Variants in MEGF6 observed in about 807,000 individuals in gnomAD.
The protein encoded by MEGF6 is multiple EGF like domains 6.
A neutral mutation model predicts 207.1 loss-of-function variants in MEGF6; 184 were observed. That is an observed-to-expected ratio of 0.89 (90% CI 0.79 to 1.00). MEGF6 has a LOEUF of 1.00. MEGF6 is among the 50% of genes least tolerant of loss of function. MEGF6 has a pLI of 0.00. For synonymous variants in MEGF6, 1,038 were observed against 910.0 expected, an observed-to-expected ratio of 1.14 and a Z score of -2.53; for missense variants, 2,282 against 2,202.9, an observed-to-expected ratio of 1.04 and a Z score of -0.72.
At chr1:3,583,033 G>A (rs936807826) in intron 3 of MEGF6, among the ~76,000 whole-genome samples, 7 of 152,306 alleles carry the variant, frequency 4.6e-5, no homozygotes, top group South Asian at 2.1e-4. Flanking sequence ...ACAAACCACC[G>A]CATGGCCAGG....
Position 3,587,926 on chromosome 1 carries a change from C to A in MEGF6, c.376+7412G>T, listed in dbSNP as rs1423534470. On this transcript the variant is annotated intron_variant, in intron 3 of 36. Transcript: ENST00000356575. ...AGTGGCCAGGAGGGGGCAGGAGAGG[C>A]CAGGAGGGGGCAGGAGGGGGCAGGA... 6.9e-3 allele frequency among the ~76,000 whole-genome samples: 138 copies of A among 19,858 alleles called. 7 individuals are homozygous for A. The East Asian group carries it at 0.17, about 24-fold the overall frequency. 13.0% of individuals were successfully genotyped at this position (19,858 alleles called of 152,430 possible).
chr1:3,527,934 T>C (rs1024469597), intron 4 of MEGF6, among the ~76,000 whole-genome samples: 2 of 152,150 alleles, frequency 1.3e-5, no homozygotes, highest in African/African-American at 2.4e-5. Flanking sequence ...CCTCTGAAAA[T>C]GCACAGGCCC....
chr1:3,564,662 C>T (rs1304716136), intron 4 of MEGF6, among the ~76,000 whole-genome samples: 1 of 152,162 alleles, frequency 6.6e-6, no homozygotes, highest in Non-Finnish European at 1.5e-5. Context: ...CCTCGACCTC[C>T]AATGTCCAGA....
At chr1:3,516,106 C>G (rs958614471) in intron 5 of MEGF6, among the ~76,000 whole-genome samples, 1 of 152,250 alleles carries the variant, frequency 6.6e-6, no homozygotes, top group Non-Finnish European at 1.5e-5. Context: ...CCACACCTCA[C>G]GCCTGTCCCC....
At chr1:3,502,239 G>C (rs1569968614) in intron 17 of MEGF6, among the ~76,000 whole-genome samples, 1 of 152,174 alleles carries the variant, frequency 6.6e-6, no homozygotes, top group African/African-American at 2.4e-5. Context: ...GGGAGGGGCA[G>C]GGCTGCTGGG....
intron 34 of MEGF6, 104 bp from the exon 35 acceptor site, chr1:3,492,871 A>C: frequency 6.8e-7 from 1 of 1,477,116 alleles, no homozygotes; most frequent in South Asian, 1.3e-5. Flanking sequence ...AGGTGGAGTG[A>C]AGCCTTCTGC....
intron 3 of MEGF6, among the ~76,000 whole-genome samples, chr1:3,590,901 G>T (rs760506911): frequency 6.8e-6 from 1 of 147,438 alleles, no homozygotes; most frequent in Non-Finnish European, 1.5e-5. Context: ...CACAGGGGCC[G>T]TGCACCCCAC....
rs767124306 is a variant in MEGF6, at chr1:3,494,119, G to A, written c.4135C>T (p.Pro1379Ser). The A allele has an allele frequency of 6.4e-7, 1 of 1,567,646 alleles. No individual in the cohort carries two copies. Among genetic ancestry groups the A allele is most frequent in the Admixed American group, 1.8e-5 (1 of 55,220 alleles). The change falls in exon 33 of 37, where the codon CCC (proline) becomes TCC (serine). Residue 1379 changes from proline to serine, a missense_variant. Pro to Ser is a moderately conservative substitution (Grantham distance 74, BLOSUM62 -1). Transcript: ENST00000356575. Reference sequence around the variant, plus strand: ...CAGCCAGCCCCGTGGAAGCCAGGGGGACAGGCTGAAGGACGCCGGTTACCA... The same window carrying A: ...CAGCCAGCCCCGTGGAAGCCAGGGGAACAGGCTGAAGGACGCCGGTTACCA... Reference protein sequence around the residue: ...FYGQACEHPCPPGFHGAGCQG... With the variant: ...FYGQACEHPCSPGFHGAGCQG...
intron 4 of MEGF6, among the ~76,000 whole-genome samples, chr1:3,546,153 T>C (rs1642696567): frequency 6.6e-6 from 1 of 152,144 alleles, no homozygotes; most frequent in Non-Finnish European, 1.5e-5. Flanking sequence ...GAGTGGGAGA[T>C]GGGGACAGCT....
In MEGF6 at chr1:3,508,519, G is replaced by A. The variant is rs756445001; in HGVS notation, c.1660+39C>T. 3.1e-6 allele frequency: 5 copies of A among 1,597,022 alleles called. 1 individual carries two copies. The Admixed American group carries it at 6.9e-5, about 22-fold the overall frequency. ...TGTCCCCAGGTCTTGGGGCTCAGAG[G>A]CCCCTTCCCAGCCCCCAGCCCCTGC... On this transcript the variant is annotated intron_variant, in intron 13 of 36. Coordinates refer to ENST00000356575, the MANE Select transcript of MEGF6 (RefSeq NM_001409.4).
chr1:3,622,971 C>A, the MEGF6 span, among the ~76,000 whole-genome samples: 1 of 152,172 alleles, frequency 6.6e-6, no homozygotes, highest in Non-Finnish European at 1.5e-5. Context: ...ACAGAAGGCT[C>A]AGGCACCTGG....
intron 12 of MEGF6, 45 bp from the exon 13 acceptor site, chr1:3,508,734 C>T (rs372235086): frequency 6.2e-7 from 1 of 1,602,160 alleles, no homozygotes; most frequent in African/African-American, 1.3e-5. Flanking sequence ...TGACCCCTGG[C>T]CTCAGCAGGC....
intron 3 of MEGF6, among the ~76,000 whole-genome samples, chr1:3,590,222 C>T (rs968441290): frequency 2.6e-5 from 4 of 152,160 alleles, no homozygotes; most frequent in South Asian, 4.1e-4. Context: ...TCCAGGCTGG[C>T]GCTCATCTGC....
At position 3,499,716 on chromosome 1, in the gene MEGF6, G is replaced by C. The variant is rs1384886196; in HGVS notation, c.2837C>G (p.Ala946Gly). The C allele has an allele frequency of 1.9e-6, 3 of 1,603,950 alleles. No individual in the cohort carries two copies. Among genetic ancestry groups the C allele is most frequent in the Admixed American group, 1.7e-5 (1 of 59,026 alleles). The change falls in exon 23 of 37, where the codon GCC becomes GGC. Residue 946 changes from alanine (A) to glycine (G), a missense_variant and splice_region_variant. Transcript: ENST00000356575. ...AGWRGTFCEH[A>G]CPAGFFGLDC... is the part of the protein sequence containing the mutation. ...CAATCCAAAGAAGCCGGCCGGGCAG[G>C]CTGCAGACAGCGGGCAGTGATGTGG...
At chr1:3,490,621 G>A (rs1374803595) in intron 36 of MEGF6, 32 bp from the exon 37 acceptor site, 2 of 1,606,186 alleles carry the variant, frequency 1.2e-6, no homozygotes, top group African/African-American at 1.3e-5. Context: ...GGCCAGTCCA[G>A]GGTGGGGCGG....
chr1:3,587,523 T>C (rs1272623509), intron 3 of MEGF6, among the ~76,000 whole-genome samples: 1 of 152,280 alleles, frequency 6.6e-6, no homozygotes, highest in African/African-American at 2.4e-5. Context: ...GTTTGCAATG[T>C]TGACGGGCGT....
At chr1:3,586,666 T>C (rs376260774) in intron 3 of MEGF6, among the ~76,000 whole-genome samples, 7 of 152,246 alleles carry the variant, frequency 4.6e-5, no homozygotes, top group Admixed American at 1.3e-4. Context: ...GGGGCTGGCA[T>C]GCGGCCCGAA....
intron 4 of MEGF6, among the ~76,000 whole-genome samples, chr1:3,577,604 G>C (rs1466328862): frequency 6.6e-6 from 1 of 152,232 alleles, no homozygotes. Context: ...CTGCTCTGCG[G>C]TGCGTTCCCA....
intron 4 of MEGF6, among the ~76,000 whole-genome samples, chr1:3,570,837 T>C (rs1488552308): frequency 6.6e-6 from 1 of 152,008 alleles, no homozygotes; most frequent in Non-Finnish European, 1.5e-5. Context: ...AGGCTAGTCA[T>C]CCTCCCCATT....
Sources: allele counts gnomAD v4.1 joint callset (sites outside exome capture counted in the v4.1 genomes callset), GRCh38; gene constraint gnomAD v4.1.1; transcripts MANE v1.5; gene names NCBI Gene and HGNC (gene_info 2026-07-23, HGNC 2026-07-21).